CATSPERT: variants seen among roughly 807,000 people sequenced by gnomAD.
CATSPERT encodes cation channel sperm-associated targeting subunit tau.
chr2:201,599,886 G>T, the CATSPERT span, among the ~76,000 whole-genome samples: 1 of 152,128 alleles, frequency 6.6e-6, no homozygotes, highest in South Asian at 2.1e-4. Flanking sequence ...ATGAAGCTTA[G>T]GAAAAACTAT....
the CATSPERT span, among the ~76,000 whole-genome samples, chr2:201,608,002 T>C: frequency 0.87 from 133,098 of 152,210 alleles, 59,277 homozygotes; most frequent in South Asian, 0.98. Flanking sequence ...CTTTGTCATG[T>C]AGCTCTAGCA....
chr2:201,601,267 G>T, the CATSPERT span, among the ~76,000 whole-genome samples: 2 of 129,616 alleles, frequency 1.5e-5, no homozygotes, highest in Non-Finnish European at 3.2e-5. Flanking sequence ...GTAAAATAAG[G>T]ATGATAGTGT....
the CATSPERT span, chr2:201,574,199 G>A: frequency 1.3e-6 from 2 of 1,580,770 alleles, no homozygotes; most frequent in South Asian, 1.2e-5. Context: ...TTTAAAAGAG[G>A]GGAACTAACC....
chr2:201,603,976 TA>T, the CATSPERT span, among the ~76,000 whole-genome samples: 1 of 152,200 alleles, frequency 6.6e-6, no homozygotes, highest in East Asian at 1.9e-4. Context: ...GTTACCACTC[TA>T]ATAGTGTTCA....
At chr2:201,488,524 AGG>A in the CATSPERT span, among the ~76,000 whole-genome samples, 1 of 152,252 alleles carries the variant, frequency 6.6e-6, no homozygotes, top group East Asian at 1.9e-4. Context: ...AATAACTGGA[AGG>A]ATATATACCA....
At chr2:201,591,413 T>C in the CATSPERT span, among the ~76,000 whole-genome samples, 2 of 152,294 alleles carry the variant, frequency 1.3e-5, no homozygotes, top group Admixed American at 1.3e-4. Context: ...CGAAGTCAGG[T>C]AGTGTGATGC....
chr2:201,562,518 A>AT, the CATSPERT span, among the ~76,000 whole-genome samples: 34 of 111,950 alleles, frequency 3.0e-4, no homozygotes, highest in African/African-American at 1.1e-3. Context: ...TTATTTATTT[A>AT]TTTATTTATT....
chr2:201,521,067 G>C, the CATSPERT span, among the ~76,000 whole-genome samples: 1 of 151,932 alleles, frequency 6.6e-6, no homozygotes, highest in African/African-American at 2.4e-5. Flanking sequence ...TAGAAAGTCT[G>C]AACAGACCAA....
chr2:201,543,275 A>C, the CATSPERT span, among the ~76,000 whole-genome samples: 2 of 152,122 alleles, frequency 1.3e-5, no homozygotes, highest in Non-Finnish European at 2.9e-5. Context: ...ACATTTTGAA[A>C]TCAGAACGTG....
At chr2:201,538,402 T>A in the CATSPERT span, among the ~76,000 whole-genome samples, 1 of 152,124 alleles carries the variant, frequency 6.6e-6, no homozygotes, top group South Asian at 2.1e-4. Flanking sequence ...TCTCTTTTTA[T>A]TGCACTTCTC....
At chr2:201,579,178 T>C in the CATSPERT span, among the ~76,000 whole-genome samples, 3 of 152,182 alleles carry the variant, frequency 2.0e-5, no homozygotes, top group Non-Finnish European at 4.4e-5. Context: ...TAGAATTTTT[T>C]CTAATATTCA....
At chr2:201,496,390 C>G in the CATSPERT span, among the ~76,000 whole-genome samples, 1 of 152,042 alleles carries the variant, frequency 6.6e-6, no homozygotes, top group Non-Finnish European at 1.5e-5. Context: ...TTGCCCAGGC[C>G]AGAGTGCAGT....
chr2:201,505,301 G>A, the CATSPERT span, among the ~76,000 whole-genome samples: 16 of 152,126 alleles, frequency 1.1e-4, no homozygotes, highest in South Asian at 3.3e-3. Context: ...GGCTGGTCTC[G>A]AACTCCTGAC....
At chr2:201,559,489 C>G in the CATSPERT span, among the ~76,000 whole-genome samples, 4 of 152,362 alleles carry the variant, frequency 2.6e-5, no homozygotes, top group Non-Finnish European at 5.9e-5. Context: ...GTGCCCACAT[C>G]TGACGCCTAT....
the CATSPERT span, among the ~76,000 whole-genome samples, chr2:201,512,545 A>G: frequency 6.6e-6 from 1 of 152,170 alleles, no homozygotes; most frequent in Non-Finnish European, 1.5e-5. Flanking sequence ...AGTGTGTAAC[A>G]TTTTGGGATT....
At chr2:201,565,587 C>T in the CATSPERT span, 1 of 802,434 alleles carries the variant, frequency 1.2e-6, no homozygotes, top group South Asian at 3.5e-5. Context: ...TCTCTGAACC[C>T]ATGAAACAAC....
chr2:201,556,472 G>GC, the CATSPERT span, among the ~76,000 whole-genome samples: 1 of 148,522 alleles, frequency 6.7e-6, no homozygotes, highest in Non-Finnish European at 1.5e-5. Context: ...TCACGCCATT[G>GC]ACTCCAGCCT....
At chr2:201,508,950 C>CACGAGAATTGCCTGAACCTGGGA in the CATSPERT span, among the ~76,000 whole-genome samples, 3 of 151,164 alleles carry the variant, frequency 2.0e-5, no homozygotes, top group African/African-American at 7.4e-5. Context: ...CATGGGTGTG[C>CACGAGAATTGCCTGAACCTGGGA]GAAATTTCTT....
At chr2:201,549,583 T>A in the CATSPERT span, 1 of 152,196 alleles carries the variant, frequency 6.6e-6, no homozygotes, top group African/African-American at 2.4e-5. Context: ...GTAAAAATGT[T>A]ACATAACTTT....
Sources: allele counts gnomAD v4.1 joint callset (sites outside exome capture counted in the v4.1 genomes callset), GRCh38; gene constraint gnomAD v4.1.1; transcripts MANE v1.5; gene names NCBI Gene and HGNC (gene_info 2026-07-23, HGNC 2026-07-21).